The following SLIT3 variants were observed in gnomAD, a reference collection of about 807,000 sequenced individuals.
SLIT3 encodes the protein slit guidance ligand 3, also known as slit homolog 3 protein.
A neutral mutation model predicts 184.0 loss-of-function variants in SLIT3; 68 were observed. The observed-to-expected ratio is 0.37, with a 90% confidence interval of 0.30 to 0.45. The LOEUF (loss-of-function observed/expected upper bound fraction) is 0.45. Among genes scored for constraint, SLIT3 ranks in the 20% least tolerant of loss-of-function variants. The pLI, the probability that SLIT3 is intolerant of heterozygous loss-of-function variation, is 1.00. For synonymous variants in SLIT3, 831 were observed against 828.6 expected, an observed-to-expected ratio of 1.00 and a Z score of -0.05; for missense variants, 1,707 against 2,026.0, an observed-to-expected ratio of 0.84 and a Z score of 3.02.
intron 4 of SLIT3, chr5:169,036,399 G>A (rs1757250665): frequency 6.6e-6 from 1 of 152,160 alleles, no homozygotes; most frequent in Non-Finnish European, 1.5e-5. Flanking sequence ...TTTTCTAAGA[G>A]CGAGATAAAG....
At chr5:169,034,284 T>C (rs997916277) in intron 4 of SLIT3, among the ~76,000 whole-genome samples, 2 of 152,186 alleles carry the variant, frequency 1.3e-5, no homozygotes, top group Non-Finnish European at 2.9e-5. Flanking sequence ...TTTTGTGTCC[T>C]GAGCCTTTGG....
chr5:169,266,267 T>C (rs1766393060), intron 1 of SLIT3, among the ~76,000 whole-genome samples: 1 of 152,094 alleles, frequency 6.6e-6, no homozygotes, highest in Non-Finnish European at 1.5e-5. Context: ...CCTTTGGAAA[T>C]GTGGCAAGAA....
chr5:168,897,306 T>C (rs1760700777), intron 4 of SLIT3, among the ~76,000 whole-genome samples: 1 of 151,912 alleles, frequency 6.6e-6, no homozygotes, highest in Admixed American at 6.6e-5. Context: ...CCAAACCCCA[T>C]GGAGGAGGCT....
intron 4 of SLIT3, among the ~76,000 whole-genome samples, chr5:169,120,884 C>T (rs1015287057): frequency 1.3e-5 from 2 of 152,124 alleles, no homozygotes; most frequent in African/African-American, 2.4e-5. Flanking sequence ...TGGGTCTAAT[C>T]CTAGTGTTTT....
chr5:169,267,560 T>C (rs1395405056), intron 1 of SLIT3, among the ~76,000 whole-genome samples: 1 of 152,260 alleles, frequency 6.6e-6, no homozygotes, highest in Non-Finnish European at 1.5e-5. Context: ...GTACTTCACT[T>C]ATACCAGTAA....
rs1488744326 is a variant in SLIT3 at position 169,300,856 on chromosome 5, C to A, written c.-147G>T. The A allele has an allele frequency of 2.6e-5, 20 of 770,464 alleles. No individual in the cohort carries two copies. Among genetic ancestry groups the A allele is most frequent in the Non-Finnish European group, 1.7e-6 (1 of 582,032 alleles). 47.7% of individuals were successfully genotyped at this position (770,464 alleles called of 1,614,324 possible). On this transcript the variant is annotated 5_prime_UTR_variant, in exon 1 of 36. Transcript: ENST00000519560. This position sits in a 1 kb window ranked among gnomAD's most constrained non-coding sequence, Gnocchi z 4.1. ...GGGGCGAGCTCGGTGCTCAGGCGCA[C>A]GGGGCGCGGGCGGAGCGGGGCGCTC...
chr5:168,863,145 G>C (rs1759173671), intron 5 of SLIT3, among the ~76,000 whole-genome samples: 1 of 152,200 alleles, frequency 6.6e-6, no homozygotes. Context: ...TGACTTGCCT[G>C]ATGATTGAAT....
chr5:169,229,893 G>A (rs1764939539), intron 3 of SLIT3, among the ~76,000 whole-genome samples: 1 of 152,144 alleles, frequency 6.6e-6, no homozygotes, highest in African/African-American at 2.4e-5. Flanking sequence ...AGTAAGAGAA[G>A]GTGAGAAATT....
intron 4 of SLIT3, among the ~76,000 whole-genome samples, chr5:169,001,810 C>T (rs1253441033): frequency 4.6e-5 from 7 of 152,188 alleles, no homozygotes; most frequent in African/African-American, 1.4e-4. Context: ...TAGCTCCTCT[C>T]TTAGCCTACC....
intron 4 of SLIT3, among the ~76,000 whole-genome samples, chr5:169,172,409 T>C (rs974079780): frequency 1.3e-4 from 20 of 152,182 alleles, no homozygotes; most frequent in African/African-American, 4.8e-4. Context: ...CAAAACACAG[T>C]CTATAGTCAA....
intron 20 of SLIT3, among the ~76,000 whole-genome samples, chr5:168,745,136 G>A (rs1315836599): frequency 6.6e-6 from 1 of 152,218 alleles, no homozygotes; most frequent in East Asian, 1.9e-4. Context: ...AGGGGTTCAA[G>A]ACTTCAGTGG....
At chr5:168,770,142 T>A (rs1581062003) in intron 14 of SLIT3, among the ~76,000 whole-genome samples, 1 of 152,170 alleles carries the variant, frequency 6.6e-6, no homozygotes, top group African/African-American at 2.4e-5. Flanking sequence ...CGGAGCCTTT[T>A]CAGGAGGACT....
rs114732570 is a variant in SLIT3, at chr5:168,671,254, T to C, written c.4071A>G (p.Pro1357=). ...GATCGCAGAGTGGGCCGGTCCAGCC[T>C]GGGCGGCACTCGCACACCACGCTGT... ...EKDSVVCECR[P]GWTGPLCDQE... The change falls in exon 34 of 36, where the codon CCA becomes CCG. Residue 1357 remains proline (P), a synonymous_variant. Coordinates refer to ENST00000519560, the MANE Select transcript of SLIT3 (RefSeq NM_003062.4). 3.9e-4 allele frequency: 634 copies of C among 1,613,382 alleles called. 3 individuals carry two copies. The African/African-American group carries it at 7.3e-3, about 19-fold the overall frequency.
chr5:168,679,540 G>T (rs56287015), intron 32 of SLIT3, among the ~76,000 whole-genome samples: 22,569 of 152,086 alleles, frequency 0.15, 2,315 homozygotes, highest in Non-Finnish European at 0.22. Flanking sequence ...GAGACTTTAG[G>T]TGTTCAGCCT....
intron 3 of SLIT3, among the ~76,000 whole-genome samples, chr5:169,209,662 T>C (rs771737030): frequency 4.6e-5 from 7 of 152,202 alleles, no homozygotes; most frequent in Admixed American, 3.9e-4. Context: ...TGGATGAAGC[T>C]GGAAACCATC....
At chr5:168,802,419 C>T (rs1005203314) in intron 9 of SLIT3, among the ~76,000 whole-genome samples, 4 of 152,248 alleles carry the variant, frequency 2.6e-5, no homozygotes, top group Middle Eastern at 3.4e-3. Flanking sequence ...AGAAACTTGC[C>T]GCCTCTGCTT....
At chr5:169,068,218 AG>A (rs1581371793) in intron 4 of SLIT3, among the ~76,000 whole-genome samples, 1 of 152,220 alleles carries the variant, frequency 6.6e-6, no homozygotes, top group East Asian at 1.9e-4. Flanking sequence ...AGATGAGGGA[AG>A]AAAAAAGAGA....
intron 3 of SLIT3, among the ~76,000 whole-genome samples, chr5:169,240,536 A>G (rs1429818758): frequency 6.8e-6 from 1 of 146,894 alleles, no homozygotes; most frequent in African/African-American, 2.5e-5. Context: ...TCTTTAATAG[A>G]GTGACACTAA....
intron 20 of SLIT3, among the ~76,000 whole-genome samples, chr5:168,739,145 A>G (rs1242054323): frequency 2.0e-5 from 3 of 152,172 alleles, no homozygotes; most frequent in Non-Finnish European, 4.4e-5. Flanking sequence ...ATGTGTTAGC[A>G]TTTGGAAGAT....
Sources: allele counts gnomAD v4.1 joint callset (sites outside exome capture counted in the v4.1 genomes callset), GRCh38; gene constraint gnomAD v4.1.1; non-coding constraint Gnocchi (gnomAD v3.1); transcripts MANE v1.5; gene names NCBI Gene and HGNC (gene_info 2026-07-23, HGNC 2026-07-21).